The following DHRS3 variants were observed in gnomAD, a reference collection of about 807,000 sequenced individuals.
DHRS3 encodes the protein dehydrogenase/reductase 3.
DHRS3 carries 14 observed loss-of-function variants against 27.2 expected under a neutral mutation model. The ratio of observed to expected loss-of-function variants is 0.52; its 90% CI spans 0.34 to 0.81. The LOEUF is 0.81. Ranked by LOEUF, DHRS3 falls within the 30% of genes least tolerant of loss-of-function variation. DHRS3 has a pLI of 0.01. For synonymous variants in DHRS3, 165 were observed against 175.9 expected, an observed-to-expected ratio of 0.94 and a Z score of 0.49; for missense variants, 322 against 406.2, an observed-to-expected ratio of 0.79 and a Z score of 1.78.
intron 1 of DHRS3, among the ~76,000 whole-genome samples, chr1:12,585,301 G>A (rs1436307062): frequency 1.3e-5 from 2 of 150,990 alleles, no homozygotes; most frequent in African/African-American, 4.9e-5. Flanking sequence ...CTATGTGAGT[G>A]TATGTGTCTG....
intron 5 of DHRS3, among the ~76,000 whole-genome samples, chr1:12,568,789 T>C (rs1646507539): frequency 6.6e-6 from 1 of 152,128 alleles, no homozygotes; most frequent in Non-Finnish European, 1.5e-5. Flanking sequence ...TAGCTGGGCA[T>C]GGTGGCATGT....
intron 1 of DHRS3, among the ~76,000 whole-genome samples, chr1:12,590,875 G>A (rs1348815159): frequency 6.6e-6 from 1 of 152,180 alleles, no homozygotes; most frequent in African/African-American, 2.4e-5. Flanking sequence ...ACAATGATCA[G>A]GTACCGACTT....
intron 1 of DHRS3, among the ~76,000 whole-genome samples, chr1:12,590,223 G>T (rs1000095329): frequency 6.6e-6 from 1 of 152,094 alleles, no homozygotes. Context: ...GCTGAGGGTG[G>T]GGTGGGGAGC....
chr1:12,609,723 T>C (rs1646894264), intron 1 of DHRS3, among the ~76,000 whole-genome samples: 2 of 152,178 alleles, frequency 1.3e-5, no homozygotes, highest in African/African-American at 2.4e-5. Context: ...CTGCTAAGGC[T>C]TGGGTGAGGG....
chr1:12,613,165 T>C (rs1017090890), intron 1 of DHRS3, among the ~76,000 whole-genome samples: 2 of 151,614 alleles, frequency 1.3e-5, no homozygotes, highest in Non-Finnish European at 2.9e-5. Flanking sequence ...CCAAGGAGCA[T>C]CAGGAGCCAC....
intron 1 of DHRS3, among the ~76,000 whole-genome samples, chr1:12,585,537 G>A (rs576980736): frequency 2.0e-5 from 3 of 152,308 alleles, no homozygotes; most frequent in South Asian, 2.1e-4. Context: ...CTGGGCTGGC[G>A]CCTGAGTGAG....
chr1:12,569,540 T>C (rs1406042926), intron 5 of DHRS3, among the ~76,000 whole-genome samples: 1 of 152,034 alleles, frequency 6.6e-6, no homozygotes, highest in Non-Finnish European at 1.5e-5. Flanking sequence ...CCAACTATAC[T>C]CTTTTAGTTT....
At chr1:12,579,504 C>T in intron 2 of DHRS3, 92 bp from the exon 3 acceptor site, 1 of 1,525,444 alleles carries the variant, frequency 6.6e-7, no homozygotes, top group Non-Finnish European at 8.8e-7. Context: ...GAGATGGAGT[C>T]TCACTCTGTT....
chr1:12,597,700 T>C lies in DHRS3; in HGVS notation c.196-17034A>G, dbSNP rs1357883783. 3.9e-5 allele frequency among the ~76,000 whole-genome samples: 6 copies of C among 152,246 alleles called. No homozygotes were observed. In the East Asian group the frequency reaches 1.2e-3, roughly 29 times the overall value. ...TGAATGAATGAAATAGTTTTGCCTC[T>C]TCTGTGAAACATTAGTAACTTCCCT... is the stretch of plus-strand genomic sequence containing the variant. On this transcript the variant is annotated intron_variant, in intron 1 of 5. Coordinates refer to ENST00000616661, the MANE Select transcript of DHRS3 (RefSeq NM_004753.7).
intron 5 of DHRS3, among the ~76,000 whole-genome samples, 154 bp from the exon 6 acceptor site, chr1:12,568,578 C>A (rs997725748): frequency 6.6e-6 from 1 of 152,104 alleles, no homozygotes; most frequent in Non-Finnish European, 1.5e-5. Context: ...CTCCCCAAAC[C>A]CCCACCCTCC....
chr1:12,584,810 CCTGCTG>C (rs1389908240), intron 1 of DHRS3, among the ~76,000 whole-genome samples: 1 of 152,160 alleles, frequency 6.6e-6, no homozygotes, highest in Non-Finnish European at 1.5e-5. Flanking sequence ...GTGCGCATGC[CCTGCTG>C]AGCATCCCTG....
intron 4 of DHRS3, among the ~76,000 whole-genome samples, chr1:12,575,149 A>G (rs964646003): frequency 6.6e-6 from 1 of 152,198 alleles, no homozygotes; most frequent in Admixed American, 6.5e-5. Flanking sequence ...CAACACGGCG[A>G]AACACTGTCT....
chr1:12,569,426 G>A (rs1001097458), intron 5 of DHRS3, among the ~76,000 whole-genome samples: 3 of 151,540 alleles, frequency 2.0e-5, no homozygotes, highest in Non-Finnish European at 2.9e-5. Flanking sequence ...TATTTATGGG[G>A]TACATGAAAT....
Position 12,574,634 on chromosome 1 carries a change from T to C in DHRS3, c.699-1781A>G, listed in dbSNP as rs570794840. 5.3e-5 allele frequency among the ~76,000 whole-genome samples: 8 copies of C among 152,224 alleles called. No homozygotes were observed. In the South Asian group the frequency reaches 1.7e-3, roughly 32 times the overall value. ...TCCACCTGTGGCCTGGCCTGTCTCT[T>C]GGGAAAGGGAAGGCAGGATGGACAG... On this transcript the variant is annotated intron_variant, in intron 4 of 5. Coordinates refer to ENST00000616661, the MANE Select transcript of DHRS3 (RefSeq NM_004753.7). This position sits in a 1 kb window ranked among gnomAD's most constrained non-coding sequence, Gnocchi z 4.6.
intron 1 of DHRS3, 49 bp from the exon 2 acceptor site, chr1:12,580,715 T>C (rs1421398418): frequency 6.4e-7 from 1 of 1,566,030 alleles, no homozygotes; most frequent in African/African-American, 1.4e-5. Flanking sequence ...TAAGCCACAG[T>C]GATGCAACAA....
chr1:12,612,367 A>C (rs1445260407), intron 1 of DHRS3, among the ~76,000 whole-genome samples: 2 of 151,868 alleles, frequency 1.3e-5, no homozygotes, highest in African/African-American at 4.8e-5. Context: ...CTGAGGTGTA[A>C]ACTCCCTGCT....
At chr1:12,611,062 T>G (rs1646906202) in intron 1 of DHRS3, among the ~76,000 whole-genome samples, 1 of 152,174 alleles carries the variant, frequency 6.6e-6, no homozygotes, top group Admixed American at 6.5e-5. Context: ...CGAGATCACT[T>G]TCTCAAGGCA....
chr1:12,602,124 C>G (rs576713729), intron 1 of DHRS3, among the ~76,000 whole-genome samples: 8 of 152,312 alleles, frequency 5.3e-5, no homozygotes, highest in Non-Finnish European at 1.2e-4. Context: ...TTTGGCCTCA[C>G]CGCAGCCCGG....
chr1:12,605,229 T>G (rs1042535152), intron 1 of DHRS3, among the ~76,000 whole-genome samples: 1 of 152,246 alleles, frequency 6.6e-6, no homozygotes, highest in African/African-American at 2.4e-5. Flanking sequence ...ACCATGGTCA[T>G]GTACAGTATA....
Sources: gnomAD v4.1 joint callset for allele counts (sites outside exome capture counted in the v4.1 genomes callset) on GRCh38, gnomAD v4.1.1 for gene constraint, Gnocchi (gnomAD v3.1) non-coding constraint, MANE v1.5 for transcripts, NCBI Gene and HGNC (gene_info 2026-07-23, HGNC 2026-07-21) for gene names.